Variants in RO60 observed in about 807,000 individuals in gnomAD.
The protein encoded by RO60 is RNA-binding protein RO60.
Under a neutral mutation model 55.3 loss-of-function variants are expected in RO60, and 20 were observed. The observed-to-expected ratio is 0.36, with a 90% CI of 0.25 to 0.53. The LOEUF is 0.53. RO60 is among the 20% of genes least tolerant of loss of function. The pLI is 0.92. For synonymous variants in RO60, 213 were observed against 213.6 expected (o/e 1.00, Z 0.02); for missense variants, 558 against 646.6 (o/e 0.86, Z 1.49).
At chr1:193,077,316 A>G (rs562307715) in intron 5 of RO60, among the ~76,000 whole-genome samples, 61 of 152,198 alleles carry the variant, frequency 4.0e-4, no homozygotes, top group Non-Finnish European at 7.9e-4. Flanking sequence ...TTGTTCTCAC[A>G]GTGCTATAAA....
rs1558257763 is a variant in RO60, at chr1:193,086,448, G to T, written c.*1717G>T. 1 of 152,114 alleles carries T rather than the reference G, an allele frequency of 6.6e-6. No individual in the cohort carries two copies. Among genetic ancestry groups the T allele is most frequent in the Middle Eastern group, 3.4e-3 (1 of 294 alleles). The allele number at this position is 152,114 out of a possible 1,614,324, so 9.4% of individuals were successfully genotyped here. ...ATGCATTGCTTCTGATGTTGTTCAC[G>T]TTTTTAACCCTGTCAAGCATTGAAC... On this transcript the variant is annotated 3_prime_UTR_variant, in exon 9 of 9. Transcript: ENST00000400968.
At chr1:193,067,624 G>A (rs1479858331) in intron 1 of RO60, among the ~76,000 whole-genome samples, 1 of 152,072 alleles carries the variant, frequency 6.6e-6, no homozygotes, top group Non-Finnish European at 1.5e-5. Flanking sequence ...CCAGTGCACC[G>A]AAATAACATG....
At chr1:193,073,635 A>C (rs1378577580) in intron 2 of RO60, among the ~76,000 whole-genome samples, 1 of 152,098 alleles carries the variant, frequency 6.6e-6, no homozygotes, top group Non-Finnish European at 1.5e-5. Context: ...GCACAGTGGC[A>C]CGATCTTGGC....
At chr1:193,063,343 A>T (rs1048458432) in intron 1 of RO60, among the ~76,000 whole-genome samples, 67 of 152,062 alleles carry the variant, frequency 4.4e-4, no homozygotes, top group African/African-American at 1.4e-3. Flanking sequence ...ACCTTTTCAG[A>T]TTCTTTACCC....
chr1:193,089,264 A>T lies in RO60; in HGVS notation c.*4533A>T, dbSNP rs1674753875. 1 of 152,206 alleles carries T rather than the reference A, an allele frequency of 6.6e-6. No homozygotes were observed. Among genetic ancestry groups the T allele is most frequent in the Admixed American group, 6.5e-5 (1 of 15,282 alleles). 9.4% of individuals were successfully genotyped at this position (152,206 alleles called of 1,614,324 possible). ...AAAATAATTAACTGATTACTCTTTC[A>T]GAAAATAGCAGGTGTCTCAATGCTT... On this transcript the variant is annotated 3_prime_UTR_variant, in exon 9 of 9. Transcript: ENST00000400968.
At position 193,059,882 on chromosome 1, in the gene RO60, G is replaced by A; in HGVS notation, c.-22+106G>A. ...TCTCACCCGCATCCCAGGGGTTGAG[G>A]CTGGGCAAACGCCGCGAAACTATCG... On this transcript the variant is annotated intron_variant, in intron 1 of 8. Coordinates refer to ENST00000400968, the MANE Select transcript of RO60 (RefSeq NM_001173524.2). The surrounding 1 kb of genome is among the most constrained non-coding windows in gnomAD (Gnocchi z 4.9). The A allele has an allele frequency of 7.3e-7, 1 of 1,365,178 alleles. No homozygotes were observed. Among genetic ancestry groups the A allele is most frequent in the Non-Finnish European group, 9.8e-7 (1 of 1,021,318 alleles). The allele number at this position is 1,365,178 out of a possible 1,614,324, so 84.6% of individuals were successfully genotyped here. A position where few individuals can be genotyped will look rare whatever the true frequency, so the allele number is the denominator to read the frequency against.
chr1:193,072,055 G>A (rs1673554550), intron 2 of RO60, among the ~76,000 whole-genome samples: 1 of 152,072 alleles, frequency 6.6e-6, no homozygotes, highest in East Asian at 1.9e-4. Flanking sequence ...CCAGGCTGGA[G>A]TGCAATGGCA....
chr1:193,091,759 A>T, downstream of RO60: 1 of 1,266,626 alleles, frequency 7.9e-7, no homozygotes, highest in Non-Finnish European at 1.1e-6. Context: ...TGTACCAAAT[A>T]AACTCTATGC....
chr1:193,083,467 G>T (rs1322492240), intron 8 of RO60, among the ~76,000 whole-genome samples: 2 of 152,160 alleles, frequency 1.3e-5, no homozygotes, highest in Non-Finnish European at 2.9e-5. Context: ...TCCAATGTGG[G>T]TTGCCACTAA....
At chr1:193,077,707 T>C (rs1674023661) in intron 5 of RO60, among the ~76,000 whole-genome samples, 1 of 151,938 alleles carries the variant, frequency 6.6e-6, no homozygotes, top group Admixed American at 6.6e-5. Context: ...ATCAACAATC[T>C]TGGCAGAAGG....
In RO60 at chr1:193,087,517, G is replaced by A. The variant is rs757237082; in HGVS notation, c.*2786G>A. On this transcript the variant is annotated 3_prime_UTR_variant, in exon 9 of 9. Coordinates refer to ENST00000400968, the MANE Select transcript of RO60 (RefSeq NM_001173524.2). ...TTATTTAGTAATCTATCTTATGAGA[G>A]TGTTAGTGAGGCAAGATGCTAGTGA... The A allele has an allele frequency of 6.6e-6, 1 of 152,076 alleles. No individual in the cohort carries two copies. Among genetic ancestry groups the A allele is most frequent in the Non-Finnish European group, 1.5e-5 (1 of 67,988 alleles). The allele number at this position is 152,076 out of a possible 1,614,324, so 9.4% of individuals were successfully genotyped here.
At chr1:193,082,763 A>ATTTT (rs201236241) in intron 8 of RO60, 55 bp downstream of exon 8, 33 of 1,149,802 alleles carry the variant, frequency 2.9e-5, no homozygotes, top group Non-Finnish European at 3.5e-5. Flanking sequence ...TTAATACTTG[A>ATTTT]TTTTTTTTTT....
chr1:193,066,151 A>G (rs1482298086), intron 1 of RO60, among the ~76,000 whole-genome samples: 2 of 152,204 alleles, frequency 1.3e-5, no homozygotes, highest in African/African-American at 4.8e-5. Context: ...TCTTGCTGTC[A>G]GTAGGCCAGT....
intron 2 of RO60, 90 bp downstream of exon 2, chr1:193,069,724 TA>T: frequency 9.6e-7 from 1 of 1,036,348 alleles, no homozygotes; most frequent in Non-Finnish European, 1.4e-6. Context: ...AAGTGTGTAA[TA>T]TTTTCTAGAA....
chr1:193,073,516 G>T (rs1377309146), intron 2 of RO60, among the ~76,000 whole-genome samples: 1 of 151,960 alleles, frequency 6.6e-6, no homozygotes, highest in Admixed American at 6.6e-5. Context: ...CACTTGTCAG[G>T]GCACACTCTG....
At position 193,088,766 on chromosome 1, in the gene RO60, G is replaced by T. The variant is rs994451126; in HGVS notation, c.*4035G>T. 6 of 152,102 alleles carry T rather than the reference G, an allele frequency of 3.9e-5. No homozygotes were observed. The highest frequency in any genetic ancestry group is 1.2e-4 in the African/African-American group (5 of 41,414). 9.4% of individuals were successfully genotyped at this position (152,102 alleles called of 1,614,324 possible). On this transcript the variant is annotated 3_prime_UTR_variant, in exon 9 of 9. Coordinates refer to ENST00000400968, the MANE Select transcript of RO60 (RefSeq NM_001173524.2). Reference sequence around the variant, plus strand: ...AAGAATTTGTAAAAAAAAATGACAGGTTAATCAATGAAATTAGTTGTATTT... The same window carrying T: ...AAGAATTTGTAAAAAAAAATGACAGTTTAATCAATGAAATTAGTTGTATTT...
In RO60 at chr1:193,074,347, C is replaced by T. The variant is rs1673744075; in HGVS notation, c.581-1473C>T. ...ACAATGGTTGAACTAGTTTACAGTC[C>T]CACCAACAGTGTAAAAGTGTTCCTG... On this transcript the variant is annotated intron_variant, in intron 2 of 8. Transcript: ENST00000400968. 1.3e-5 allele frequency among the ~76,000 whole-genome samples: 2 copies of T among 152,086 alleles called. 1 individual carries two copies. Among genetic ancestry groups the T allele is most frequent in the African/African-American group, 4.8e-5 (2 of 41,424 alleles).
At chr1:193,071,767 A>G (rs1244914392) in intron 2 of RO60, among the ~76,000 whole-genome samples, 1 of 148,326 alleles carries the variant, frequency 6.7e-6, no homozygotes, top group African/African-American at 2.5e-5. Context: ...ATAATATAGT[A>G]TATATAATAT....
At chr1:193,084,522 T>C in intron 8 of RO60, 57 bp from the exon 9 acceptor site, 1 of 1,508,190 alleles carries the variant, frequency 6.6e-7, no homozygotes, top group Middle Eastern at 1.8e-4. Flanking sequence ...ATTTTGGAGG[T>C]ATTTTGCATT....
Sources: gnomAD v4.1 joint callset for allele counts (sites outside exome capture counted in the v4.1 genomes callset) on GRCh38, gnomAD v4.1.1 for gene constraint, Gnocchi (gnomAD v3.1) non-coding constraint, MANE v1.5 for transcripts, NCBI Gene and HGNC (gene_info 2026-07-23, HGNC 2026-07-21) for gene names.